The following RBFOX3 variants were observed in gnomAD, a reference collection of about 807,000 sequenced individuals.
The protein encoded by RBFOX3 is RNA binding protein fox-1 homolog 3.
RBFOX3 carries 17 observed loss-of-function variants against 48.7 expected under a neutral mutation model. The observed-to-expected ratio is 0.35, with a 90% CI of 0.24 to 0.52. The LOEUF (loss-of-function observed/expected upper bound fraction) is 0.52, where lower values mean the gene tolerates loss of function less well. Among genes scored for constraint, RBFOX3 ranks in the 20% least tolerant of loss-of-function variants. The pLI, the probability that RBFOX3 is intolerant of heterozygous loss-of-function variation, is 0.94. For missense variants in RBFOX3, 382 were observed against 497.5 expected (o/e 0.77, Z 2.21); for synonymous variants, 212 against 209.5 (o/e 1.01, Z -0.10).
At chr17:79,182,629 C>T (rs1284242018) in intron 4 of RBFOX3, among the ~76,000 whole-genome samples, 1 of 151,908 alleles carries the variant, frequency 6.6e-6, no homozygotes, top group South Asian at 2.1e-4. Context: ...CTCAGAGTCG[C>T]CGACTTTCCT....
the RBFOX3 span, among the ~76,000 whole-genome samples, chr17:79,626,768 G>A: frequency 1.3e-5 from 2 of 152,220 alleles, no homozygotes; most frequent in Admixed American, 6.5e-5. Context: ...GGCCAAGCAT[G>A]TGGGCCGACA....
chr17:79,394,212 C>A (rs574411389), intron 2 of RBFOX3, among the ~76,000 whole-genome samples: 66 of 152,284 alleles, frequency 4.3e-4, no homozygotes, highest in African/African-American at 1.5e-3. Flanking sequence ...CTGAGATCTG[C>A]GAGAATGGAC....
In RBFOX3 at chr17:79,287,318, C is replaced by G. The variant is rs2072169101; in HGVS notation, c.-74+20406G>C. Among the ~76,000 whole-genome samples the G allele has an allele frequency of 3.3e-5, 5 of 152,198 alleles. No individual in the cohort carries two copies. In the South Asian group the frequency reaches 8.3e-4, roughly 25 times the overall value. ...ATCTTCCCTGACCCCCATAGCACTCCCCACCCACAGGGGGCCCTGGGTGCA... is the reference window on the plus strand; with the variant it reads ...ATCTTCCCTGACCCCCATAGCACTCGCCACCCACAGGGGGCCCTGGGTGCA... On this transcript the variant is annotated intron_variant, in intron 3 of 14. Transcript: ENST00000693108.
chr17:79,202,617 G>C (rs2056930700), intron 4 of RBFOX3, among the ~76,000 whole-genome samples: 1 of 152,224 alleles, frequency 6.6e-6, no homozygotes, highest in Non-Finnish European at 1.5e-5. Context: ...AGATCGCCTG[G>C]CTTGAGCCCA....
intron 4 of RBFOX3, among the ~76,000 whole-genome samples, chr17:79,138,530 C>T (rs373371713): frequency 6.6e-6 from 1 of 152,076 alleles, no homozygotes; most frequent in East Asian, 1.9e-4. Flanking sequence ...CACGCATATA[C>T]ACTGTGCATG....
intron 1 of RBFOX3, among the ~76,000 whole-genome samples, chr17:79,578,192 A>T (rs901343247): frequency 0.017 from 2,533 of 152,310 alleles, 75 homozygotes; most frequent in African/African-American, 0.055. Flanking sequence ...CCCGTGGGGG[A>T]TTTTGGCGAT....
At chr17:79,134,803 C>T (rs1041446673) in intron 4 of RBFOX3, among the ~76,000 whole-genome samples, 1 of 152,176 alleles carries the variant, frequency 6.6e-6, no homozygotes, top group African/African-American at 2.4e-5. Context: ...CAGCAGCCAC[C>T]GGTGGACACT....
intron 2 of RBFOX3, among the ~76,000 whole-genome samples, chr17:79,336,438 A>G (rs2081210384): frequency 7.0e-6 from 1 of 142,482 alleles, no homozygotes; most frequent in Non-Finnish European, 1.6e-5. Context: ...GAAAAAAAAA[A>G]TAAATCCCAC....
chr17:79,265,845 C>T (rs2066605633), intron 3 of RBFOX3, among the ~76,000 whole-genome samples: 2 of 152,194 alleles, frequency 1.3e-5, no homozygotes, highest in East Asian at 1.9e-4. Flanking sequence ...TGTCTACCGC[C>T]AGCTCCAGGT....
At chr17:79,216,123 C>T (rs1199170666) in intron 4 of RBFOX3, among the ~76,000 whole-genome samples, 1 of 152,242 alleles carries the variant, frequency 6.6e-6, no homozygotes, top group African/African-American at 2.4e-5. Context: ...AGGTTCTGGT[C>T]CTGGACATCA....
chr17:79,202,015 A>G (rs1368280196), intron 4 of RBFOX3, among the ~76,000 whole-genome samples: 1 of 152,122 alleles, frequency 6.6e-6, no homozygotes, highest in African/African-American at 2.4e-5. Flanking sequence ...CTTCACTCAC[A>G]GCTGTCACAG....
At chr17:79,633,740 G>T in the RBFOX3 span, among the ~76,000 whole-genome samples, 1 of 152,150 alleles carries the variant, frequency 6.6e-6, no homozygotes, top group African/African-American at 2.4e-5. Context: ...GGCATCGGAG[G>T]CTGCTCTCGG....
intron 4 of RBFOX3, among the ~76,000 whole-genome samples, chr17:79,180,291 G>A (rs1205926575): frequency 1.3e-5 from 2 of 152,208 alleles, no homozygotes; most frequent in Admixed American, 6.5e-5. Flanking sequence ...ACGGAATTCC[G>A]CTGGGTGAGG....
the RBFOX3 span, among the ~76,000 whole-genome samples, chr17:79,648,793 T>C: frequency 6.6e-6 from 1 of 152,112 alleles, no homozygotes; most frequent in African/African-American, 2.4e-5. Flanking sequence ...TGGATCCCTG[T>C]GGCCAGTGGG....
rs1394823117 is a variant in RBFOX3, at chr17:79,220,178, T to C, written c.-34+15588A>G. ...CAACACGCAGTCCACGCTTGGTACATACCCAAAAATACATCATCATTTCGG... is the reference window on the plus strand; with the variant it reads ...CAACACGCAGTCCACGCTTGGTACACACCCAAAAATACATCATCATTTCGG... On this transcript the variant is annotated intron_variant, in intron 4 of 14. Coordinates refer to ENST00000693108, the MANE Select transcript of RBFOX3 (RefSeq NM_001350451.2). This position sits in a 1 kb window ranked among gnomAD's most constrained non-coding sequence, Gnocchi z 5.9. Among the ~76,000 whole-genome samples the C allele has an allele frequency of 1.3e-5, 2 of 152,094 alleles. No individual in the cohort carries two copies. The highest frequency in any genetic ancestry group is 2.9e-5 in the Non-Finnish European group (2 of 68,002).
rs926824086 is a variant in RBFOX3, at chr17:79,473,647, G to A, written c.-175+8807C>T. 1.5e-4 allele frequency among the ~76,000 whole-genome samples: 23 copies of A among 152,288 alleles called. No individual in the cohort carries two copies. Among genetic ancestry groups the A allele is most frequent in the Non-Finnish European group, 2.8e-4 (19 of 68,014 alleles). ...GTTGACATCCTGATGAACCCCCGCTGGTGACGGCAGGTGGCCACACCCTGC... is the reference window on the plus strand; with the variant it reads ...GTTGACATCCTGATGAACCCCCGCTAGTGACGGCAGGTGGCCACACCCTGC... On this transcript the variant is annotated intron_variant, in intron 2 of 14. Coordinates refer to ENST00000693108, the MANE Select transcript of RBFOX3 (RefSeq NM_001350451.2). This position sits in a 1 kb window ranked among gnomAD's most constrained non-coding sequence, Gnocchi z 4.2.
intron 2 of RBFOX3, among the ~76,000 whole-genome samples, chr17:79,442,980 C>T (rs574159710): frequency 6.6e-6 from 1 of 152,332 alleles, no homozygotes; most frequent in African/African-American, 2.4e-5. Flanking sequence ...TGAAGCAGCG[C>T]CCAGCAGCTC....
intron 1 of RBFOX3, among the ~76,000 whole-genome samples, chr17:79,580,141 C>T (rs1414215485): frequency 4.6e-5 from 7 of 151,952 alleles, no homozygotes; most frequent in African/African-American, 1.7e-4. Flanking sequence ...GCCCCTTGGG[C>T]TTCTGTGCTC....
intron 5 of RBFOX3, 113 bp from the exon 6 acceptor site, chr17:79,106,901 C>T: frequency 7.5e-7 from 1 of 1,338,364 alleles, no homozygotes; most frequent in Admixed American, 3.6e-5. Context: ...CCTTCTGGGC[C>T]TCTCCCCCAT....
Sources: gnomAD v4.1 joint callset for allele counts (sites outside exome capture counted in the v4.1 genomes callset) on GRCh38, gnomAD v4.1.1 for gene constraint, Gnocchi (gnomAD v3.1) non-coding constraint, MANE v1.5 for transcripts, NCBI Gene and HGNC (gene_info 2026-07-23, HGNC 2026-07-21) for gene names.